The following PDS5A variants were observed in gnomAD, a reference collection of about 807,000 sequenced individuals.
The protein encoded by PDS5A is PDS5 cohesin associated factor A, also known as sister chromatid cohesion protein PDS5 homolog A.
In PDS5A, 42 loss-of-function variants were observed where a neutral mutation model predicts 167.1. That is an observed-to-expected ratio of 0.25 (90% confidence interval 0.20 to 0.33). PDS5A has a LOEUF of 0.33. Among genes scored for constraint, PDS5A ranks in the 10% least tolerant of loss-of-function variants. PDS5A has a pLI of 1.00. For missense variants in PDS5A, 1,033 were observed against 1,605.9 expected (o/e 0.64, Z 6.10); for synonymous variants, 553 against 554.6 (o/e 1.00, Z 0.04).
intron 32 of PDS5A, among the ~76,000 whole-genome samples, chr4:39,828,396 C>T (rs963216165): frequency 1.3e-5 from 2 of 152,082 alleles, no homozygotes; most frequent in Non-Finnish European, 2.9e-5. Context: ...GTAAATAAAC[C>T]CTATAGGTAG....
At chr4:39,917,417 CA>C (rs1002155765) in intron 7 of PDS5A, among the ~76,000 whole-genome samples, 5 of 149,296 alleles carry the variant, frequency 3.3e-5, no homozygotes, top group East Asian at 1.9e-4. Context: ...AGGAGAAAAG[CA>C]AAAAAAAATT....
At chr4:39,946,445 C>A (rs1475872839) in intron 2 of PDS5A, among the ~76,000 whole-genome samples, 1 of 151,602 alleles carries the variant, frequency 6.6e-6, no homozygotes, top group African/African-American at 2.4e-5. Flanking sequence ...ATATCAGTTG[C>A]CAAAAATATT....
chr4:39,932,095 G>A lies in PDS5A; in HGVS notation c.139-3931C>T, dbSNP rs181037998. Among the ~76,000 whole-genome samples the A allele has an allele frequency of 2.0e-4, 31 of 152,120 alleles. No individual in the cohort carries two copies. The East Asian group carries it at 4.5e-3, about 22-fold the overall frequency. On this transcript the variant is annotated intron_variant, in intron 2 of 32. Transcript: ENST00000303538. ...TTTAGTAGAGACAGGATTTCACCAC[G>A]TTGGCTGGGTTGGTCTTCAACTCCT...
In PDS5A at chr4:39,871,639, CTG is replaced by C. The variant is rs1235391998; in HGVS notation, c.2436+1345_2436+1346del. On this transcript the variant is annotated intron_variant, in intron 21 of 32. Transcript: ENST00000303538. The stretch of plus-strand genomic sequence containing the variant: ...AGTCATCCACAATGATCCAGCATAT[CTG>C]TGTCTTTATTCAATAACAACAGATT... Among the ~76,000 whole-genome samples, 3 of 152,288 alleles carry C rather than the reference CTG, an allele frequency of 2.0e-5. No homozygotes were observed. In the South Asian group the frequency reaches 6.2e-4, roughly 32 times the overall value.
intron 13 of PDS5A, 94 bp from the exon 14 acceptor site, chr4:39,900,601 C>A: frequency 1.4e-6 from 1 of 723,812 alleles, no homozygotes; most frequent in South Asian, 1.6e-5. Flanking sequence ...GTATATACAC[C>A]ATTCTTCTAC....
chr4:39,899,855 A>G (rs1722728239), intron 14 of PDS5A, among the ~76,000 whole-genome samples: 1 of 83,130 alleles, frequency 1.2e-5, no homozygotes, highest in African/African-American at 3.4e-5. Flanking sequence ...GTGTATTAAA[A>G]AAAAAAAAAA....
At chr4:39,911,099 A>G (rs1400894974) in intron 9 of PDS5A, among the ~76,000 whole-genome samples, 1 of 152,146 alleles carries the variant, frequency 6.6e-6, no homozygotes, top group Non-Finnish European at 1.5e-5. Flanking sequence ...GTGCCACTGC[A>G]CTCCAACCTG....
chr4:39,881,013 C>T (rs1460005081), intron 17 of PDS5A, among the ~76,000 whole-genome samples: 2 of 146,718 alleles, frequency 1.4e-5, no homozygotes, highest in African/African-American at 5.0e-5. Flanking sequence ...GAGAGATCTA[C>T]TTTTTTTTTT....
intron 32 of PDS5A, among the ~76,000 whole-genome samples, chr4:39,829,740 A>G (rs553855277): frequency 1.3e-5 from 2 of 151,982 alleles, no homozygotes; most frequent in South Asian, 4.1e-4. Flanking sequence ...TCACAAGGTC[A>G]GGAGATCAAG....
chr4:39,917,301 G>A, intron 7 of PDS5A, 113 bp from the exon 8 acceptor site: 1 of 620,938 alleles, frequency 1.6e-6, no homozygotes, highest in Non-Finnish European at 2.6e-6. Flanking sequence ...ATATACAATT[G>A]AAGGAGGTGA....
At chr4:39,883,292 T>C (rs1721119789) in intron 17 of PDS5A, among the ~76,000 whole-genome samples, 1 of 152,122 alleles carries the variant, frequency 6.6e-6, no homozygotes, top group African/African-American at 2.4e-5. Context: ...GTGATTCTCA[T>C]GCCTCAGCCT....
rs58069502 is a variant in PDS5A at position 39,929,519 on chromosome 4, C to CTATATATATATATATATATA, written c.139-1375_139-1356dup. 1.2e-3 allele frequency among the ~76,000 whole-genome samples: 98 copies of CTATATATATATATATATATA among 79,354 alleles called. 1 individual carries two copies. The highest frequency in any genetic ancestry group is 1.6e-3 in the Non-Finnish European group (72 of 45,944). The allele number at this position is 79,354 out of a possible 152,430, so 52.1% of individuals were successfully genotyped here. On this transcript the variant is annotated intron_variant, in intron 2 of 32. Coordinates refer to ENST00000303538, the MANE Select transcript of PDS5A (RefSeq NM_001100399.2). ...GCCTTGTGAGTTAATACTTAATAAA[C>CTATATATATATATATATATA]TATATATATATATATATATATATAT...
intron 7 of PDS5A, among the ~76,000 whole-genome samples, chr4:39,919,939 A>G (rs537705275): frequency 1.5e-3 from 222 of 151,988 alleles, no homozygotes; most frequent in African/African-American, 5.0e-3. Context: ...TTAAAAAAAT[A>G]AAATAAAAAA....
In PDS5A at chr4:39,845,839, T is replaced by G. The variant is rs1434302442; in HGVS notation, c.3381A>C (p.Arg1127Ser). ...NDKSYISEETRVLLLTGKPKP... is the reference protein window; with the variant it reads ...NDKSYISEETSVLLLTGKPKP... ...ATACCTTTCCTGTTAACAGAAGTAC[T>G]CTTGTCTCTTCTGAAATATAACTCT... Residue 1127 changes from arginine (R) to serine (S), a missense_variant, in exon 29 of 33, where the codon AGA (arginine) becomes AGC (serine). Arg to Ser is a moderately radical substitution (Grantham distance 110). Coordinates refer to ENST00000303538, the MANE Select transcript of PDS5A (RefSeq NM_001100399.2). 9.3e-6 allele frequency: 13 copies of G among 1,401,288 alleles called. No individual in the cohort carries two copies. The highest frequency in any genetic ancestry group is 1.1e-5 in the Non-Finnish European group (12 of 1,070,566). 86.8% of individuals were successfully genotyped at this position (1,401,288 alleles called of 1,614,324 possible).
intron 29 of PDS5A, among the ~76,000 whole-genome samples, chr4:39,845,486 C>T (rs1363443110): frequency 6.6e-6 from 1 of 152,098 alleles, no homozygotes; most frequent in African/African-American, 2.4e-5. Context: ...TTACATAGAA[C>T]ATGAATTGTC....
intron 2 of PDS5A, among the ~76,000 whole-genome samples, chr4:39,954,792 A>T (rs1334398124): frequency 6.6e-6 from 1 of 151,826 alleles, no homozygotes; most frequent in African/African-American, 2.4e-5. Flanking sequence ...GTTAATAGGC[A>T]TGAACACTTT....
chr4:39,976,937 G>A (rs1276429193), intron 1 of PDS5A, among the ~76,000 whole-genome samples: 1 of 152,128 alleles, frequency 6.6e-6, no homozygotes, highest in African/African-American at 2.4e-5. Flanking sequence ...CGGGAGGCCG[G>A]CAAGGACCCC....
chr4:39,918,959 C>CA (rs1433450744), intron 7 of PDS5A, among the ~76,000 whole-genome samples: 2 of 151,878 alleles, frequency 1.3e-5, no homozygotes, highest in South Asian at 2.1e-4. Flanking sequence ...CATACACACA[C>CA]ACAAAAAAGC....
chr4:39,901,555 C>T (rs1025403998), intron 13 of PDS5A, among the ~76,000 whole-genome samples: 2 of 152,250 alleles, frequency 1.3e-5, no homozygotes, highest in Non-Finnish European at 1.5e-5. Flanking sequence ...CAGGGGTTAG[C>T]CTCCACGTCC....
Sources: allele counts gnomAD v4.1 joint callset (sites outside exome capture counted in the v4.1 genomes callset), GRCh38; gene constraint gnomAD v4.1.1; transcripts MANE v1.5; gene names NCBI Gene and HGNC (gene_info 2026-07-23, HGNC 2026-07-21).